EVI5: variants seen among roughly 807,000 people sequenced by gnomAD.
EVI5 encodes ecotropic viral integration site 5 protein homolog.
In EVI5, 73 loss-of-function variants were observed where a neutral mutation model predicts 112.0. The observed-to-expected ratio is 0.65, with a 90% confidence interval of 0.54 to 0.79. EVI5 has a LOEUF of 0.79. EVI5 is among the 30% of genes least tolerant of loss of function. EVI5 has a pLI of 0.00. For missense variants in EVI5, 900 were observed against 968.8 expected (o/e 0.93, Z 0.94); for synonymous variants, 305 against 319.9 (o/e 0.95, Z 0.50).
intron 19 of EVI5, among the ~76,000 whole-genome samples, chr1:92,556,763 A>G (rs1367260273): frequency 2.0e-5 from 3 of 152,188 alleles, no homozygotes; most frequent in Admixed American, 6.5e-5. Context: ...ATATAAACAG[A>G]TATCAGAATT....
intron 9 of EVI5, among the ~76,000 whole-genome samples, chr1:92,692,400 C>G (rs1228780179): frequency 6.6e-6 from 1 of 152,172 alleles, no homozygotes; most frequent in Non-Finnish European, 1.5e-5. Context: ...TTATCAGTTA[C>G]AAGGCACAGC....
chr1:92,601,013 T>C (rs1649059765), intron 18 of EVI5, among the ~76,000 whole-genome samples: 1 of 152,002 alleles, frequency 6.6e-6, no homozygotes, highest in Non-Finnish European at 1.5e-5. Context: ...AAGTAAGTGG[T>C]GGTAGCAAAG....
At chr1:92,737,735 C>G (rs1286071020) in intron 1 of EVI5, among the ~76,000 whole-genome samples, 1 of 152,134 alleles carries the variant, frequency 6.6e-6, no homozygotes, top group Non-Finnish European at 1.5e-5. Flanking sequence ...TCCACTTCCT[C>G]CACTTCAATT....
intron 11 of EVI5, 28 bp from the exon 12 acceptor site, chr1:92,663,480 TATAAG>T: frequency 8.4e-7 from 1 of 1,193,094 alleles, no homozygotes; most frequent in South Asian, 1.5e-5. Flanking sequence ...CAGATAGAAA[TATAAG>T]AGAAAGAAAT....
At chr1:92,560,026 A>T (rs1009276692) in intron 19 of EVI5, among the ~76,000 whole-genome samples, 2 of 152,196 alleles carry the variant, frequency 1.3e-5, no homozygotes, top group African/African-American at 4.8e-5. Context: ...AGAAAGACTG[A>T]CAATTCCACA....
intron 5 of EVI5, among the ~76,000 whole-genome samples, chr1:92,701,289 A>G (rs905148883): frequency 3.3e-5 from 5 of 152,168 alleles, no homozygotes; most frequent in African/African-American, 1.2e-4. Context: ...TTCACTGCCT[A>G]TCTCCTATGA....
chr1:92,700,587 C>T (rs531838929), intron 5 of EVI5, among the ~76,000 whole-genome samples: 19 of 152,198 alleles, frequency 1.2e-4, no homozygotes, highest in African/African-American at 3.9e-4. Flanking sequence ...TCTCTACCAC[C>T]ACTGCTTGCC....
chr1:92,619,237 A>C (rs2101723518), intron 16 of EVI5, among the ~76,000 whole-genome samples: 1 of 152,272 alleles, frequency 6.6e-6, no homozygotes, highest in East Asian at 1.9e-4. Context: ...ATCAGCTGCC[A>C]GTGAATATAA....
chr1:92,541,913 T>C (rs886348430), intron 19 of EVI5, among the ~76,000 whole-genome samples: 2 of 152,154 alleles, frequency 1.3e-5, no homozygotes, highest in African/African-American at 2.4e-5. Flanking sequence ...ATCACCTGAG[T>C]GGTCAGCAAG....
intron 19 of EVI5, among the ~76,000 whole-genome samples, chr1:92,519,061 G>C (rs1440480283): frequency 1.3e-5 from 2 of 152,042 alleles, no homozygotes; most frequent in East Asian, 3.9e-4. Flanking sequence ...TTTTTAAAAC[G>C]TCTTTTGGAT....
intron 1 of EVI5, among the ~76,000 whole-genome samples, chr1:92,759,349 T>A (rs1394533392): frequency 6.6e-6 from 1 of 152,192 alleles, no homozygotes; most frequent in African/African-American, 2.4e-5. Context: ...ATCAGTACTT[T>A]TTTTGAAAAA....
intron 16 of EVI5, among the ~76,000 whole-genome samples, chr1:92,615,488 A>C (rs1046457200): frequency 6.6e-6 from 1 of 152,180 alleles, no homozygotes; most frequent in African/African-American, 2.4e-5. Flanking sequence ...ATGGGACCCT[A>C]AAACTTGGAA....
intron 11 of EVI5, among the ~76,000 whole-genome samples, chr1:92,664,487 A>T (rs1487320833): frequency 1.4e-5 from 2 of 146,808 alleles, no homozygotes; most frequent in African/African-American, 2.4e-5. Flanking sequence ...CAAAGATTTA[A>T]AAAAAAAAAA....
At chr1:92,594,270 T>C (rs1460241733) in intron 18 of EVI5, among the ~76,000 whole-genome samples, 1 of 152,122 alleles carries the variant, frequency 6.6e-6, no homozygotes. Flanking sequence ...CACATATCTA[T>C]GACTATCTGA....
chr1:92,625,547 A>C (rs1289944764), intron 15 of EVI5: 1 of 337,614 alleles, frequency 3.0e-6, no homozygotes, highest in Non-Finnish European at 5.4e-6. Flanking sequence ...TACACAAGGC[A>C]CAATGGTACA....
chr1:92,629,101 A>C (rs1656320381), intron 14 of EVI5, among the ~76,000 whole-genome samples: 1 of 152,230 alleles, frequency 6.6e-6, no homozygotes, highest in Admixed American at 6.5e-5. Context: ...ATTCTGCTCT[A>C]AATCATGTAA....
intron 15 of EVI5, 160 bp downstream of exon 15, chr1:92,625,634 T>C: frequency 1.8e-6 from 1 of 558,808 alleles, no homozygotes; most frequent in South Asian, 3.0e-5. Flanking sequence ...ACAGCTTAAG[T>C]GCACTTTCAG....
At chr1:92,559,466 T>C (rs934344999) in intron 19 of EVI5, among the ~76,000 whole-genome samples, 4 of 152,134 alleles carry the variant, frequency 2.6e-5, no homozygotes, top group Admixed American at 1.3e-4. Context: ...CTCTTTCCAC[T>C]GATTTTCACA....
chr1:92,778,494 C>A (rs1361837181), intron 1 of EVI5, among the ~76,000 whole-genome samples: 1 of 152,078 alleles, frequency 6.6e-6, no homozygotes, highest in African/African-American at 2.4e-5. Context: ...GCCCAATATA[C>A]TAAATGTTCT....
Sources: allele counts gnomAD v4.1 joint callset (sites outside exome capture counted in the v4.1 genomes callset), GRCh38; gene constraint gnomAD v4.1.1; transcripts MANE v1.5; gene names NCBI Gene and HGNC (gene_info 2026-07-23, HGNC 2026-07-21).